Variants in FSTL5 observed in about 807,000 individuals in gnomAD.
FSTL5 encodes follistatin like 5, also known as follistatin-related protein 5.
FSTL5 carries 62 observed loss-of-function variants against 89.1 expected under a neutral mutation model. The ratio of observed to expected loss-of-function variants is 0.70; its 90% CI spans 0.57 to 0.86. The LOEUF (loss-of-function observed/expected upper bound fraction) is 0.86. Among genes scored for constraint, FSTL5 ranks in the 40% least tolerant of loss-of-function variants. FSTL5 has a pLI of 0.00. For missense variants in FSTL5, 1,057 were observed against 1,001.6 expected (o/e 1.06, Z -0.75); for synonymous variants, 383 against 346.2 (o/e 1.11, Z -1.18).
Position 161,769,130 on chromosome 4 carries a change from T to C in FSTL5, c.606+6748A>G, listed in dbSNP as rs960438118. On this transcript the variant is annotated intron_variant, in intron 5 of 15. Coordinates refer to ENST00000306100, the MANE Select transcript of FSTL5 (RefSeq NM_020116.5). ...TTTCTAGACACATGTAACCTACCAA[T>C]ATTGAACCAGGAAGAAATCCAATAT... Among the ~76,000 whole-genome samples the C allele has an allele frequency of 2.0e-5, 3 of 151,866 alleles. No individual in the cohort carries two copies. The East Asian group carries it at 5.8e-4, about 29-fold the overall frequency.
chr4:161,746,695 A>G (rs905051218), intron 6 of FSTL5, among the ~76,000 whole-genome samples: 1 of 152,124 alleles, frequency 6.6e-6, no homozygotes, highest in Admixed American at 6.5e-5. Context: ...AGTTTCATAA[A>G]TGACCTCTCA....
At chr4:162,127,555 T>C (rs556992628) in intron 1 of FSTL5, among the ~76,000 whole-genome samples, 51 of 152,360 alleles carry the variant, frequency 3.3e-4, no homozygotes, top group African/African-American at 1.1e-3. Context: ...ACATATATCT[T>C]GCAACCTTTG....
intron 15 of FSTL5, among the ~76,000 whole-genome samples, chr4:161,451,977 A>G (rs1733181141): frequency 6.6e-6 from 1 of 152,244 alleles, no homozygotes; most frequent in Non-Finnish European, 1.5e-5. Flanking sequence ...GTGTACCAGC[A>G]TGAGAGAAAA....
intron 7 of FSTL5, among the ~76,000 whole-genome samples, chr4:161,650,956 C>T (rs1183512563): frequency 1.3e-5 from 2 of 152,146 alleles, no homozygotes; most frequent in African/African-American, 2.4e-5. Context: ...ACAACTTTCT[C>T]GGTCACGTTA....
intron 8 of FSTL5, among the ~76,000 whole-genome samples, chr4:161,578,403 C>T (rs1001839011): frequency 2.6e-5 from 4 of 151,570 alleles, no homozygotes; most frequent in South Asian, 4.2e-4. Context: ...AGCATAAAAA[C>T]TATTGAAAGT....
At chr4:161,779,821 A>ATATATGTATATACATATATATATATATG (rs1741590327) in intron 4 of FSTL5, among the ~76,000 whole-genome samples, 1 of 63,362 alleles carries the variant, frequency 1.6e-5, no homozygotes, top group Non-Finnish European at 2.7e-5. Context: ...GTATATATAT[A>ATATATGTATATACATATATATATATATG]TATATATATA....
intron 3 of FSTL5, among the ~76,000 whole-genome samples, chr4:161,955,282 A>G (rs1398513366): frequency 6.6e-6 from 1 of 151,688 alleles, no homozygotes; most frequent in Non-Finnish European, 1.5e-5. Context: ...GTACCTAAAC[A>G]CAGAGGAAAT....
chr4:162,154,798 T>A (rs1231005116), intron 1 of FSTL5, among the ~76,000 whole-genome samples: 1 of 151,800 alleles, frequency 6.6e-6, no homozygotes, highest in Non-Finnish European at 1.5e-5. Flanking sequence ...ATGAAGTAAT[T>A]GTAAACTATG....
chr4:161,989,001 T>C (rs1736038447), intron 3 of FSTL5, among the ~76,000 whole-genome samples: 1 of 152,174 alleles, frequency 6.6e-6, no homozygotes, highest in Non-Finnish European at 1.5e-5. Context: ...TGGGAAACTG[T>C]AATCATTTTG....
intron 12 of FSTL5, among the ~76,000 whole-genome samples, chr4:161,493,431 T>C (rs752452151): frequency 3.3e-5 from 5 of 151,788 alleles, no homozygotes; most frequent in Admixed American, 6.6e-5. Context: ...TAATCTACTA[T>C]ATTTTATAAT....
intron 8 of FSTL5, among the ~76,000 whole-genome samples, chr4:161,545,763 C>T (rs967769881): frequency 2.6e-5 from 4 of 151,918 alleles, no homozygotes; most frequent in Admixed American, 6.6e-5. Flanking sequence ...CCCCCAGTGC[C>T]TGACAGTCAT....
intron 2 of FSTL5, among the ~76,000 whole-genome samples, chr4:162,037,001 A>ATTATG (rs1211047710): frequency 6.6e-6 from 1 of 151,734 alleles, no homozygotes; most frequent in Non-Finnish European, 1.5e-5. Context: ...GTCCATAGAT[A>ATTATG]TTATGTTTGT....
chr4:161,592,218 G>C (rs1249215004), intron 7 of FSTL5, among the ~76,000 whole-genome samples: 1 of 152,080 alleles, frequency 6.6e-6, no homozygotes, highest in Non-Finnish European at 1.5e-5. Flanking sequence ...CCTTTTCTCA[G>C]CTGCAGAGAA....
At chr4:161,548,489 G>GTGA (rs1732083048) in intron 8 of FSTL5, among the ~76,000 whole-genome samples, 5 of 151,852 alleles carry the variant, frequency 3.3e-5, no homozygotes, top group Admixed American at 3.3e-4. Flanking sequence ...AGACAGTGTA[G>GTGA]TGAATATGGT....
At chr4:162,109,688 G>A (rs1731361391) in intron 2 of FSTL5, among the ~76,000 whole-genome samples, 1 of 151,828 alleles carries the variant, frequency 6.6e-6, no homozygotes, top group Admixed American at 6.6e-5. Flanking sequence ...TAAAACCGGT[G>A]GTATGATATT....
intron 4 of FSTL5, among the ~76,000 whole-genome samples, chr4:161,808,450 A>T (rs1730038051): frequency 6.6e-6 from 1 of 152,192 alleles, no homozygotes; most frequent in African/African-American, 2.4e-5. Flanking sequence ...CCATTAATGG[A>T]TTAATAAACA....
At chr4:161,609,337 C>T (rs527544588) in intron 7 of FSTL5, among the ~76,000 whole-genome samples, 4 of 152,136 alleles carry the variant, frequency 2.6e-5, no homozygotes, top group East Asian at 1.9e-4. Flanking sequence ...TATTACTAAG[C>T]GATATATCAA....
chr4:161,430,235 A>G (rs1732311031), intron 15 of FSTL5, among the ~76,000 whole-genome samples: 1 of 152,106 alleles, frequency 6.6e-6, no homozygotes, highest in African/African-American at 2.4e-5. Flanking sequence ...AAGCACATCT[A>G]CGAGATCTAG....
At chr4:161,821,181 G>A (rs1730482450) in intron 4 of FSTL5, among the ~76,000 whole-genome samples, 1 of 151,916 alleles carries the variant, frequency 6.6e-6, no homozygotes, top group South Asian at 2.1e-4. Flanking sequence ...GGGACTGCAG[G>A]CACAGCACAC....
Sources: allele counts gnomAD v4.1 joint callset (sites outside exome capture counted in the v4.1 genomes callset), GRCh38; gene constraint gnomAD v4.1.1; transcripts MANE v1.5; gene names NCBI Gene and HGNC (gene_info 2026-07-23, HGNC 2026-07-21).